The following C8orf89 variants were observed in gnomAD, a reference collection of about 807,000 sequenced individuals.
The protein encoded by C8orf89 is chromosome 8 open reading frame 89.
C8orf89 carries 14 observed loss-of-function variants against 15.8 expected under a neutral mutation model. That is an observed-to-expected ratio of 0.89 (90% CI 0.59 to 1.39). The LOEUF (loss-of-function observed/expected upper bound fraction) is 1.39. Ranked by LOEUF, C8orf89 falls within the 40% of genes most tolerant of loss-of-function variation. The pLI, the probability that C8orf89 is intolerant of heterozygous loss-of-function variation, is 0.00. For missense variants in C8orf89, 181 were observed against 184.5 expected (o/e 0.98, Z 0.11); for synonymous variants, 55 against 62.2 (o/e 0.88, Z 0.54).
chr8:73,256,613 A>G (rs1813391451), intron 2 of C8orf89, among the ~76,000 whole-genome samples: 1 of 151,382 alleles, frequency 6.6e-6, no homozygotes, highest in African/African-American at 2.4e-5. Context: ...CTGTAATCCC[A>G]GCTACTCAGG....
intron 1 of C8orf89, among the ~76,000 whole-genome samples, chr8:73,258,203 A>G (rs1458747639): frequency 6.6e-6 from 1 of 152,158 alleles, no homozygotes; most frequent in Non-Finnish European, 1.5e-5. Context: ...CAAGGTCAGG[A>G]GATCGAGACC....
the C8orf89 span, among the ~76,000 whole-genome samples, chr8:73,284,319 T>C: frequency 1.4e-5 from 2 of 147,796 alleles, no homozygotes; most frequent in East Asian, 2.1e-4. Flanking sequence ...TTTCAAGCAA[T>C]TCTCCTGCCT....
the C8orf89 span, among the ~76,000 whole-genome samples, chr8:73,265,008 C>T: frequency 6.6e-6 from 1 of 152,072 alleles, no homozygotes; most frequent in South Asian, 2.1e-4. Flanking sequence ...CTACTGAGCA[C>T]TTAAAACATG....
intron 2 of C8orf89, among the ~76,000 whole-genome samples, chr8:73,254,606 T>C (rs1304595754): frequency 6.6e-6 from 1 of 152,138 alleles, no homozygotes; most frequent in Non-Finnish European, 1.5e-5. Flanking sequence ...CCTGGTCATT[T>C]GGGTGGCTGG....
the C8orf89 span, among the ~76,000 whole-genome samples, chr8:73,269,811 A>G: frequency 4.0e-4 from 61 of 152,232 alleles, no homozygotes; most frequent in Non-Finnish European, 7.1e-4. Flanking sequence ...TTTCACTGTT[A>G]TTTTAAAAAT....
chr8:73,260,885 G>A (rs1199769565), upstream of C8orf89, among the ~76,000 whole-genome samples: 3 of 152,182 alleles, frequency 2.0e-5, no homozygotes, highest in Non-Finnish European at 4.4e-5. Context: ...TAATCTGGGT[G>A]GACACGATCT....
chr8:73,285,919 G>C, the C8orf89 span, among the ~76,000 whole-genome samples: 4 of 152,186 alleles, frequency 2.6e-5, no homozygotes, highest in African/African-American at 9.6e-5. Flanking sequence ...GGCGTCTCCC[G>C]AGGCTGCAGC....
the C8orf89 span, among the ~76,000 whole-genome samples, chr8:73,267,412 T>C: frequency 1.3e-5 from 2 of 152,206 alleles, no homozygotes; most frequent in Non-Finnish European, 2.9e-5. Context: ...GGAACTGCTG[T>C]ACAGCACTTA....
the C8orf89 span, among the ~76,000 whole-genome samples, chr8:73,273,709 A>G: frequency 6.7e-6 from 1 of 150,306 alleles, no homozygotes; most frequent in South Asian, 2.1e-4. Context: ...GTCTGCGCCC[A>G]GAGTGAGAAC....
the C8orf89 span, among the ~76,000 whole-genome samples, chr8:73,280,908 T>C: frequency 3.4e-4 from 52 of 151,946 alleles, no homozygotes; most frequent in Non-Finnish European, 5.6e-4. Context: ...AGTACTCAAA[T>C]AAAAGGCAGA....
chr8:73,249,655 A>C (rs1480012848), intron 3 of C8orf89, among the ~76,000 whole-genome samples: 2 of 152,190 alleles, frequency 1.3e-5, no homozygotes, highest in African/African-American at 4.8e-5. Context: ...TGATAGACTG[A>C]AGGACAAATG....
At chr8:73,248,949 T>C (rs1326619940) in intron 3 of C8orf89, among the ~76,000 whole-genome samples, 1 of 152,220 alleles carries the variant, frequency 6.6e-6, no homozygotes, top group East Asian at 1.9e-4. Context: ...TCTTGCCTGA[T>C]TGCTCTGGTC....
Position 73,259,430 on chromosome 8 carries a change from CATT to C in C8orf89, c.26_28del (p.Lys9_Cys10delinsSer). ...ACTTCTGGTGAATTTAGAAGTCTCA[CATT>C]TGATTTCAGGAGATAGCACTGACAT... On this transcript the variant is annotated inframe_deletion, in exon 1 of 4. Coordinates refer to ENST00000624510, the MANE Select transcript of C8orf89 (RefSeq NM_001243237.3). The C allele has an allele frequency of 1.3e-6, 2 of 1,533,856 alleles. No individual in the cohort carries two copies. Among genetic ancestry groups the C allele is most frequent in the Non-Finnish European group, 1.7e-6 (2 of 1,145,906 alleles).
At chr8:73,274,603 G>T in the C8orf89 span, among the ~76,000 whole-genome samples, 11 of 152,066 alleles carry the variant, frequency 7.2e-5, no homozygotes, top group African/African-American at 2.7e-4. Context: ...TTGCATGTTT[G>T]CGTCCTATGT....
chr8:73,253,351 G>A (rs1167139771), intron 2 of C8orf89, among the ~76,000 whole-genome samples: 1 of 152,200 alleles, frequency 6.6e-6, no homozygotes, highest in African/African-American at 2.4e-5. Context: ...TTGTAGTATA[G>A]TTTGAAGTCA....
chr8:73,245,038 G>A (rs754581006), intron 3 of C8orf89, among the ~76,000 whole-genome samples: 3 of 152,178 alleles, frequency 2.0e-5, no homozygotes, highest in Non-Finnish European at 2.9e-5. Context: ...CACACCAGAA[G>A]GCAAAAGCCA....
the C8orf89 span, among the ~76,000 whole-genome samples, chr8:73,269,153 T>C: frequency 2.6e-5 from 4 of 152,218 alleles, no homozygotes; most frequent in Non-Finnish European, 5.9e-5. Flanking sequence ...GAGAAAACTT[T>C]AGCAATCCCT....
Position 73,250,312 on chromosome 8 carries a change from G to T in C8orf89, c.293C>A (p.Thr98Asn). Residue 98 changes from threonine (T) to asparagine (N), a missense_variant, in exon 3 of 4, where the codon ACT (threonine) becomes AAT (asparagine). Thr to Asn is a moderately conservative substitution (Grantham distance 65, BLOSUM62 0). Coordinates refer to ENST00000624510, the MANE Select transcript of C8orf89 (RefSeq NM_001243237.3). Reference sequence around the variant, plus strand: ...TGGTGCCACACTGCATGTCTCCTTAGTCTTCTTTAGCCTGAATATTATATA... The same window carrying T: ...TGGTGCCACACTGCATGTCTCCTTATTCTTCTTTAGCCTGAATATTATATA... ...AEVSAVRLKK[T>N]KETCSVAPLW... The T allele has an allele frequency of 6.5e-7, 1 of 1,527,850 alleles. No homozygotes were observed. The highest frequency in any genetic ancestry group is 8.8e-7 in the Non-Finnish European group (1 of 1,140,150). 94.6% of individuals were successfully genotyped at this position (1,527,850 alleles called of 1,614,324 possible).
intron 2 of C8orf89, among the ~76,000 whole-genome samples, chr8:73,254,305 CT>C (rs1234367728): frequency 2.6e-5 from 4 of 151,922 alleles, no homozygotes; most frequent in African/African-American, 4.8e-5. Context: ...GGTGGATAAG[CT>C]TTTTGATGTG....
Sources: allele counts gnomAD v4.1 joint callset (sites outside exome capture counted in the v4.1 genomes callset), GRCh38; gene constraint gnomAD v4.1.1; transcripts MANE v1.5; gene names NCBI Gene and HGNC (gene_info 2026-07-23, HGNC 2026-07-21).